Variants in RIC8B observed in about 807,000 individuals in gnomAD.
The protein encoded by RIC8B is RIC8 guanine nucleotide exchange factor B.
A neutral mutation model predicts 57.5 loss-of-function variants in RIC8B; 16 were observed. The observed-to-expected ratio is 0.28, with a 90% CI of 0.19 to 0.42. The LOEUF (loss-of-function observed/expected upper bound fraction) is 0.42, where lower values mean the gene tolerates loss of function less well. RIC8B is among the 10% of genes least tolerant of loss of function. RIC8B has a pLI of 1.00. For missense variants in RIC8B, 481 were observed against 677.0 expected (o/e 0.71, Z 3.21); for synonymous variants, 216 against 250.8 (o/e 0.86, Z 1.31).
At chr12:106,798,778 T>C (rs1270889747) in intron 2 of RIC8B, among the ~76,000 whole-genome samples, 4 of 152,272 alleles carry the variant, frequency 2.6e-5, no homozygotes, top group Non-Finnish European at 4.4e-5. Flanking sequence ...ATCATTTTTT[T>C]CCCCCACTTA....
rs940420984 is a variant in RIC8B at position 106,783,893 on chromosome 12, G to A, written c.85-104G>A. 9 of 976,382 alleles carry A rather than the reference G, an allele frequency of 9.2e-6. No individual in the cohort carries two copies. The African/African-American group carries it at 9.8e-5, about 11-fold the overall frequency. 60.5% of individuals were successfully genotyped at this position (976,382 alleles called of 1,614,324 possible). Reference sequence around the variant, plus strand: ...AATAAGAATATTGAGATACGGGAAGGCAACATTTTTTACAGGGACATTATT... The same window carrying A: ...AATAAGAATATTGAGATACGGGAAGACAACATTTTTTACAGGGACATTATT... On this transcript the variant is annotated intron_variant, in intron 1 of 9. Coordinates refer to ENST00000392837, the MANE Select transcript of RIC8B (RefSeq NM_001330145.2).
chr12:106,816,444 A>G (rs909612597), intron 3 of RIC8B, among the ~76,000 whole-genome samples: 6 of 152,186 alleles, frequency 3.9e-5, no homozygotes, highest in African/African-American at 1.4e-4. Flanking sequence ...TTTTCCTGGG[A>G]CTTGGCAAGA....
Position 106,879,646 on chromosome 12 carries a change from G to A in RIC8B, c.1572-6258G>A. On this transcript the variant is annotated intron_variant, in intron 9 of 9. Transcript: ENST00000392837. This position sits in a 1 kb window ranked among gnomAD's most constrained non-coding sequence, Gnocchi z 4.9. ...TTCCATTAGCAGTCCCAAGGGTTAG[G>A]CTGGGGCAAAATAGGGTTTCCTTTC... 1.0e-6 allele frequency: 1 copy of A among 985,396 alleles called. No homozygotes were observed. Among genetic ancestry groups the A allele is most frequent in the Non-Finnish European group, 1.2e-6 (1 of 829,932 alleles). The allele number at this position is 985,396 out of a possible 1,614,324, so 61.0% of individuals were successfully genotyped here.
intron 9 of RIC8B, among the ~76,000 whole-genome samples, chr12:106,884,255 G>A (rs147346059): frequency 6.4e-4 from 97 of 152,160 alleles, no homozygotes; most frequent in African/African-American, 2.0e-3. Flanking sequence ...TTTGTTTTCC[G>A]TGCTCCTCAA....
chr12:106,814,877 T>C lies in RIC8B; in HGVS notation c.314T>C (p.Leu105Ser). Residue 105 changes from leucine to serine, a missense_variant, in exon 3 of 10, where the codon TTG (leucine) becomes TCG (serine). By Grantham distance (145) the Leu-to-Ser change is moderately radical. Transcript: ENST00000392837. ...AAGCTAAATGAGTTAGATGATTCTT[T>C]GGAGAAAGTATCAGAGTTCCCAGTT... Reference protein sequence around the residue: ...LAKLNELDDSLEKVSEFPVIV... With the variant: ...LAKLNELDDSSEKVSEFPVIV... The C allele has an allele frequency of 1.2e-6, 2 of 1,614,204 alleles. No individual in the cohort carries two copies. Among genetic ancestry groups the C allele is most frequent in the Non-Finnish European group, 1.7e-6 (2 of 1,180,010 alleles).
rs542992287 is a variant in RIC8B, at chr12:106,792,760, C to T, written c.132+8716C>T. On this transcript the variant is annotated intron_variant, in intron 2 of 9. Coordinates refer to ENST00000392837, the MANE Select transcript of RIC8B (RefSeq NM_001330145.2). ...CTGACACTGTGGTGAGCTATGATCACGCCACTGCACTCCAGCATGGGTGAC... is the reference window on the plus strand; with the variant it reads ...CTGACACTGTGGTGAGCTATGATCATGCCACTGCACTCCAGCATGGGTGAC... Among the ~76,000 whole-genome samples, 6 of 152,202 alleles carry T rather than the reference C, an allele frequency of 3.9e-5. No homozygotes were observed. In the East Asian group the frequency reaches 1.2e-3, roughly 29 times the overall value.
intron 3 of RIC8B, among the ~76,000 whole-genome samples, chr12:106,821,414 T>C (rs549274441): frequency 2.0e-5 from 3 of 152,304 alleles, no homozygotes; most frequent in Admixed American, 2.0e-4. Context: ...GCTTTATCAA[T>C]TGTATGGCCA....
At chr12:106,859,130 A>G (rs1318300270) in intron 7 of RIC8B, among the ~76,000 whole-genome samples, 1 of 152,114 alleles carries the variant, frequency 6.6e-6, no homozygotes, top group African/African-American at 2.4e-5. Context: ...TGTTTCCTAC[A>G]GTTGCCTTTC....
intron 4 of RIC8B, among the ~76,000 whole-genome samples, chr12:106,834,451 A>G (rs1010979980): frequency 6.6e-6 from 1 of 152,344 alleles, no homozygotes; most frequent in Non-Finnish European, 1.5e-5. Context: ...TGACCAATGA[A>G]GAAAGCAAAT....
At chr12:106,860,189 C>A (rs978366545) in intron 7 of RIC8B, 79 bp from the exon 8 acceptor site, 15 of 1,239,316 alleles carry the variant, frequency 1.2e-5, no homozygotes, top group Middle Eastern at 2.0e-4. Flanking sequence ...TGTCTTCAAT[C>A]TTCTTGTGTT....
intron 1 of RIC8B, among the ~76,000 whole-genome samples, chr12:106,776,772 A>G (rs1388095261): frequency 3.9e-5 from 6 of 152,186 alleles, no homozygotes; most frequent in African/African-American, 1.2e-4. Flanking sequence ...TGGTATCTGA[A>G]GTGTTTCAAA....
At chr12:106,809,522 C>CAAAAAAAAAAAAAAAAAAAAAAAAAAA (rs201411394) in intron 2 of RIC8B, among the ~76,000 whole-genome samples, 1 of 105,550 alleles carries the variant, frequency 9.5e-6, no homozygotes, top group Non-Finnish European at 2.0e-5. Flanking sequence ...ACTCTTGTCT[C>CAAAAAAAAAAAAAAAAAAAAAAAAAAA]AAAAAAAAAA....
chr12:106,802,415 T>C (rs1456575306), intron 2 of RIC8B, among the ~76,000 whole-genome samples: 1 of 152,106 alleles, frequency 6.6e-6, no homozygotes, highest in Non-Finnish European at 1.5e-5. Context: ...GCTAACACTG[T>C]AGCCATAATG....
chr12:106,781,264 T>C (rs2043751605), intron 1 of RIC8B, among the ~76,000 whole-genome samples: 1 of 152,272 alleles, frequency 6.6e-6, no homozygotes, highest in African/African-American at 2.4e-5. Flanking sequence ...TAACTCTTTA[T>C]ATTTGATTTT....
At chr12:106,819,879 C>T (rs1234148856) in intron 3 of RIC8B, among the ~76,000 whole-genome samples, 2 of 151,438 alleles carry the variant, frequency 1.3e-5, no homozygotes, top group African/African-American at 4.8e-5. Flanking sequence ...ACAAATCTCC[C>T]TTTTGAAGAC....
At chr12:106,841,682 A>G (rs368327240) in intron 4 of RIC8B, among the ~76,000 whole-genome samples, 1 of 152,128 alleles carries the variant, frequency 6.6e-6, no homozygotes, top group East Asian at 1.9e-4. Context: ...CTGTCTTTCC[A>G]TTGTTGATCA....
chr12:106,869,926 G>A (rs566499320), intron 8 of RIC8B, among the ~76,000 whole-genome samples: 6 of 152,190 alleles, frequency 3.9e-5, no homozygotes, highest in South Asian at 2.1e-4. Flanking sequence ...GTGACAGAGC[G>A]AGACTCCGTC....
At chr12:106,842,852 C>T (rs1949019069) in intron 5 of RIC8B, 35 bp downstream of exon 5, 2 of 1,335,292 alleles carry the variant, frequency 1.5e-6, no homozygotes, top group Non-Finnish European at 2.1e-6. Context: ...TGGGAAGATG[C>T]TTCCAAAGAA....
At chr12:106,827,607 CTG>C (rs1245147543) in intron 4 of RIC8B, among the ~76,000 whole-genome samples, 1 of 152,154 alleles carries the variant, frequency 6.6e-6, no homozygotes, top group African/African-American at 2.4e-5. Context: ...TGTCAAAAGA[CTG>C]TTTTTCTTGA....
Sources: gnomAD v4.1 joint callset for allele counts (sites outside exome capture counted in the v4.1 genomes callset) on GRCh38, gnomAD v4.1.1 for gene constraint, Gnocchi (gnomAD v3.1) non-coding constraint, MANE v1.5 for transcripts, NCBI Gene and HGNC (gene_info 2026-07-23, HGNC 2026-07-21) for gene names.